Variants in AFM observed in about 807,000 individuals in gnomAD.
The protein encoded by AFM is afamin, also known as alpha-Alb.
A neutral mutation model predicts 68.7 loss-of-function variants in AFM; 82 were observed. That is an observed-to-expected ratio of 1.19 (90% CI 1.00 to 1.43). The LOEUF is 1.43. Among genes scored for constraint, AFM ranks in the 40% most tolerant of loss-of-function variants. The pLI, the probability that AFM is intolerant of heterozygous loss-of-function variation, is 0.00. For synonymous variants in AFM, 250 were observed against 234.2 expected (o/e 1.07, Z -0.61); for missense variants, 772 against 701.8 (o/e 1.10, Z -1.13).
intron 9 of AFM, among the ~76,000 whole-genome samples, chr4:73,496,333 G>T (rs1234581576): frequency 6.6e-6 from 1 of 152,114 alleles, no homozygotes; most frequent in Non-Finnish European, 1.5e-5. Flanking sequence ...CCTACTGTGT[G>T]TTTGACATTT....
At position 73,481,829 on chromosome 4, in the gene AFM, A is replaced by G; in HGVS notation, c.54A>G (p.Glu18=). The change falls in exon 1 of 15, where the codon GAA becomes GAG. Residue 18 remains glutamate (E), a synonymous_variant. Transcript: ENST00000226355. ...GFIFFLFFLT[E]SLTLPTQPRD... ...TTTTTTTCTTGTTTTTTTTGACTGA[A>G]TCCCTAACCCTGCCCACACAACCTC... 1 of 1,609,170 alleles carries G rather than the reference A, an allele frequency of 6.2e-7. No individual in the cohort carries two copies. Among genetic ancestry groups the G allele is most frequent in the Non-Finnish European group, 8.5e-7 (1 of 1,177,736 alleles).
chr4:73,502,457 A>C (rs575075658), intron 13 of AFM, among the ~76,000 whole-genome samples: 210 of 152,196 alleles, frequency 1.4e-3, no homozygotes, highest in Non-Finnish European at 2.5e-3. Flanking sequence ...AAAAGGGAGA[A>C]ATGTCCCTTG....
At chr4:73,484,079 A>G in intron 2 of AFM, 90 bp downstream of exon 2, 1 of 1,378,506 alleles carries the variant, frequency 7.3e-7, no homozygotes, top group South Asian at 1.5e-5. Context: ...TTAACTAAAT[A>G]GAAGCCATAT....
chr4:73,488,865 A>G (rs1720989604), intron 7 of AFM, 106 bp downstream of exon 7: 18 of 1,084,776 alleles, frequency 1.7e-5, no homozygotes, highest in Non-Finnish European at 2.4e-5. Flanking sequence ...ATGAAATCAG[A>G]ATGTGATTTA....
chr4:73,486,809 T>C (rs905266369), intron 4 of AFM, among the ~76,000 whole-genome samples, 158 bp from the exon 5 acceptor site: 2 of 152,198 alleles, frequency 1.3e-5, no homozygotes, highest in African/African-American at 4.8e-5. Context: ...TTCTTCCTTT[T>C]ACCTTGTTTT....
chr4:73,494,219 A>G (rs981063418), intron 8 of AFM, among the ~76,000 whole-genome samples: 4 of 152,062 alleles, frequency 2.6e-5, no homozygotes, highest in African/African-American at 9.7e-5. Context: ...TGAAAAAGCA[A>G]ATGGGAAGCT....
At position 73,485,862 on chromosome 4, in the gene AFM, A is replaced by G; in HGVS notation, c.271A>G (p.Asn91Asp). The part of the protein sequence containing the change: ...KTLPECSKLP[N>D]NVLQEKICAM... ...TGTCCTTTTCTTCTCTGTTGTATAG[A>G]ATAATGTTTTACAGGAAAAAATATG... The change falls in exon 4 of 15, where the codon AAT (asparagine) becomes GAT (aspartate). Residue 91 changes from asparagine (N) to aspartate (D), a missense_variant and splice_region_variant. Asn to Asp is a conservative substitution (Grantham distance 23). Coordinates refer to ENST00000226355, the MANE Select transcript of AFM (RefSeq NM_001133.2). 2 of 1,613,046 alleles carry G rather than the reference A, an allele frequency of 1.2e-6. No homozygotes were observed. Among genetic ancestry groups the G allele is most frequent in the South Asian group, 1.1e-5 (1 of 91,058 alleles).
In AFM at chr4:73,503,122, T is replaced by C. The variant is rs1398928190; in HGVS notation, c.*40+12T>C. 28 of 1,582,522 alleles carry C rather than the reference T, an allele frequency of 1.8e-5. No homozygotes were observed. Among genetic ancestry groups the C allele is most frequent in the Non-Finnish European group, 2.4e-5 (28 of 1,153,184 alleles). On this transcript the variant is annotated intron_variant, in intron 14 of 14. Coordinates refer to ENST00000226355, the MANE Select transcript of AFM (RefSeq NM_001133.2). ...AAAAAGCACCAAAGGTAATACCCTC[T>C]GCCTCATTCAAATGTCAAATGTATT... is the stretch of plus-strand genomic sequence containing the variant.
chr4:73,490,979 G>A (rs1394593875), intron 7 of AFM, among the ~76,000 whole-genome samples: 1 of 152,112 alleles, frequency 6.6e-6, no homozygotes, highest in Non-Finnish European at 1.5e-5. Context: ...TATCCTCCAT[G>A]TTCACCAGAA....
At chr4:73,496,807 C>T (rs1721271446) in intron 9 of AFM, among the ~76,000 whole-genome samples, 1 of 152,112 alleles carries the variant, frequency 6.6e-6, no homozygotes. Flanking sequence ...TTTCTGAATA[C>T]ATATTAGAGA....
chr4:73,483,829 T>C, intron 1 of AFM, 112 bp from the exon 2 acceptor site: 1 of 824,588 alleles, frequency 1.2e-6, no homozygotes. Flanking sequence ...TTATCTCCTG[T>C]CATCAGTGGT....
chr4:73,485,313 G>A (rs1392802339), intron 3 of AFM, among the ~76,000 whole-genome samples: 1 of 152,170 alleles, frequency 6.6e-6, no homozygotes, highest in Non-Finnish European at 1.5e-5. Flanking sequence ...GGAAATGTAG[G>A]CAGCAAGGGA....
rs1053528116 is a variant in AFM at position 73,501,875 on chromosome 4, A to C, written c.1735A>C (p.Lys579Gln). 1.9e-6 allele frequency: 3 copies of C among 1,613,440 alleles called. No homozygotes were observed. Among genetic ancestry groups the C allele is most frequent in the Non-Finnish European group, 2.5e-6 (3 of 1,179,658 alleles). Residue 579 changes from lysine to glutamine, a missense_variant, in exon 13 of 15, where the codon AAG becomes CAG. Coordinates refer to ENST00000226355, the MANE Select transcript of AFM (RefSeq NM_001133.2). Reference sequence around the variant, plus strand: ...TACAAATTTCGCAAATGTAGTGGATAAGTGCTGCAAAGCAGAGAGTCCTGA... The same window carrying C: ...TACAAATTTCGCAAATGTAGTGGATCAGTGCTGCAAAGCAGAGAGTCCTGA... ...LFTNFANVVD[K>Q]CCKAESPEVC...
In AFM at chr4:73,487,758, C is replaced by G. The variant is rs753026590; in HGVS notation, c.650C>G (p.Ser217Cys). The G allele has an allele frequency of 2.5e-6, 4 of 1,613,098 alleles. No individual in the cohort carries two copies. Among genetic ancestry groups the G allele is most frequent in the Non-Finnish European group, 3.4e-6 (4 of 1,179,310 alleles). ...IPVTQYLKAF[S>C]SYQKHVCGAL... is the part of the protein sequence containing the mutation. ...GTCACACAATATTTAAAAGCATTTTCTTCTTATCAAAAACATGTCTGTGGG... is the reference window on the plus strand; with the variant it reads ...GTCACACAATATTTAAAAGCATTTTGTTCTTATCAAAAACATGTCTGTGGG... The change falls in exon 6 of 15, where the codon TCT becomes TGT. Residue 217 changes from serine (S) to cysteine (C), a missense_variant. Coordinates refer to ENST00000226355, the MANE Select transcript of AFM (RefSeq NM_001133.2).
chr4:73,489,763 T>C (rs771265717), intron 7 of AFM, among the ~76,000 whole-genome samples: 2 of 151,968 alleles, frequency 1.3e-5, no homozygotes, highest in Non-Finnish European at 2.9e-5. Context: ...TAAGTGGGAG[T>C]TGAACAATGA....
chr4:73,503,958 T>C lies in AFM; in HGVS notation c.*123T>C, dbSNP rs1315356329. ...ATTTTTCTGTAACTGTCACCTGAAA[T>C]AATACATTGCAGCAAGCAATAAACA... On this transcript the variant is annotated 3_prime_UTR_variant, in exon 15 of 15. Transcript: ENST00000226355. The C allele has an allele frequency of 6.6e-6, 1 of 152,142 alleles. No homozygotes were observed. Among genetic ancestry groups the C allele is most frequent in the Non-Finnish European group, 1.5e-5 (1 of 68,008 alleles). 9.4% of individuals were successfully genotyped at this position (152,142 alleles called of 1,614,324 possible).
intron 12 of AFM, among the ~76,000 whole-genome samples, chr4:73,501,244 ACAT>A (rs550421438): frequency 8.5e-5 from 13 of 152,142 alleles, no homozygotes; most frequent in South Asian, 2.1e-4. Flanking sequence ...TGCTCCTTTG[ACAT>A]CATTTTTAAT....
At chr4:73,483,856 A>T in intron 1 of AFM, 85 bp from the exon 2 acceptor site, 1 of 1,151,540 alleles carries the variant, frequency 8.7e-7, no homozygotes, top group Non-Finnish European at 1.2e-6. Context: ...TGTATTTTAT[A>T]CACTTAAATG....
chr4:73,503,112 T>C lies in AFM; in HGVS notation c.*40+2T>C. 1 of 1,603,838 alleles carries C rather than the reference T, an allele frequency of 6.2e-7. No individual in the cohort carries two copies. On this transcript the variant is annotated splice_donor_variant, in intron 14 of 14. Transcript: ENST00000226355. LOFTEE classifies it low-confidence loss of function (3UTR_SPLICE). The stretch of plus-strand genomic sequence containing the variant: ...TATGTAAAGAAAAAAGCACCAAAGG[T>C]AATACCCTCTGCCTCATTCAAATGT...
Sources: allele counts gnomAD v4.1 joint callset (sites outside exome capture counted in the v4.1 genomes callset), GRCh38; gene constraint gnomAD v4.1.1; transcripts MANE v1.5; gene names NCBI Gene and HGNC (gene_info 2026-07-23, HGNC 2026-07-21).